Variants in RGSL1 observed in about 807,000 individuals in gnomAD.
The protein encoded by RGSL1 is regulator of G protein signaling protein-like.
In RGSL1, 97 loss-of-function variants were observed where a neutral mutation model predicts 124.7. That is an observed-to-expected ratio of 0.78 (90% CI 0.66 to 0.92). The LOEUF (loss-of-function observed/expected upper bound fraction) is 0.92, where lower values mean the gene tolerates loss of function less well. Among genes scored for constraint, RGSL1 ranks in the 40% least tolerant of loss-of-function variants. The pLI, the probability that RGSL1 is intolerant of heterozygous loss-of-function variation, is 0.00. For synonymous variants in RGSL1, 424 were observed against 438.1 expected (o/e 0.97, Z 0.40); for missense variants, 1,233 against 1,288.4 (o/e 0.96, Z 0.66).
chr1:182,474,677 G>A, intron 6 of RGSL1, 135 bp downstream of exon 6: 1 of 1,324,548 alleles, frequency 7.5e-7, no homozygotes, highest in Middle Eastern at 2.7e-4. Flanking sequence ...TGAAGAGTTG[G>A]TTGATCTGTT....
chr1:182,495,394 A>G (rs554310656), intron 9 of RGSL1, among the ~76,000 whole-genome samples: 1 of 152,100 alleles, frequency 6.6e-6, no homozygotes, highest in East Asian at 1.9e-4. Flanking sequence ...TTAAGATGCA[A>G]TACAAAGATC....
chr1:182,527,559 G>A lies in RGSL1; in HGVS notation c.1932-20G>A. ...TCATCATTCCTTTCTCTCTACCAAA[G>A]ATGCTTTCTTGTTTTCCAGAAACTT... On this transcript the variant is annotated intron_variant, in intron 10 of 21. Coordinates refer to ENST00000294854, the MANE Select transcript of RGSL1 (RefSeq NM_001137669.2). 2.0e-6 allele frequency: 3 copies of A among 1,531,922 alleles called. No individual in the cohort carries two copies. The highest frequency in any genetic ancestry group is 2.6e-6 in the Non-Finnish European group (3 of 1,137,944). 94.9% of individuals were successfully genotyped at this position (1,531,922 alleles called of 1,614,324 possible). A position where few individuals can be genotyped will look rare whatever the true frequency, so the allele number is the denominator to read the frequency against.
chr1:182,544,789 T>A (rs1660107650), intron 15 of RGSL1, among the ~76,000 whole-genome samples: 1 of 152,090 alleles, frequency 6.6e-6, no homozygotes, highest in South Asian at 2.1e-4. Flanking sequence ...GCCTATTTTA[T>A]CTGATATAAC....
intron 14 of RGSL1, among the ~76,000 whole-genome samples, chr1:182,537,345 T>C (rs60245721): frequency 0.016 from 2,472 of 152,320 alleles, 59 homozygotes; most frequent in African/African-American, 0.053. Context: ...AAATTTCGTG[T>C]TTAGATTTGG....
chr1:182,497,091 C>T (rs1038318836), intron 9 of RGSL1, among the ~76,000 whole-genome samples: 1 of 151,598 alleles, frequency 6.6e-6, no homozygotes, highest in Non-Finnish European at 1.5e-5. Context: ...GATTTGGGGC[C>T]CATTGAATTA....
At chr1:182,531,839 A>G (rs1659195329) in intron 13 of RGSL1, among the ~76,000 whole-genome samples, 1 of 152,356 alleles carries the variant, frequency 6.6e-6, no homozygotes, top group East Asian at 1.9e-4. Context: ...TGGGGTTTAC[A>G]TATAAGTCTC....
chr1:182,523,463 C>T (rs1658506226), intron 10 of RGSL1, among the ~76,000 whole-genome samples: 1 of 152,190 alleles, frequency 6.6e-6, no homozygotes, highest in Non-Finnish European at 1.5e-5. Context: ...TCATTTGTCA[C>T]TTTTGCTTTT....
intron 9 of RGSL1, among the ~76,000 whole-genome samples, chr1:182,520,603 A>T (rs1371560155): frequency 1.3e-5 from 2 of 151,974 alleles, no homozygotes; most frequent in Non-Finnish European, 2.9e-5. Context: ...TTTTGTCTTA[A>T]TTTTTTATAA....
chr1:182,536,585 T>C (rs2102287276), intron 14 of RGSL1, among the ~76,000 whole-genome samples: 1 of 152,330 alleles, frequency 6.6e-6, no homozygotes, highest in East Asian at 1.9e-4. Context: ...TTGCTTGACA[T>C]ATTAGTCCAT....
chr1:182,471,410 G>A (rs763897170), intron 4 of RGSL1: 1 of 456,614 alleles, frequency 2.2e-6, no homozygotes. Flanking sequence ...GTTGTTCCTG[G>A]GGCTTTTGCA....
At chr1:182,491,686 T>A (rs917299716) in intron 8 of RGSL1, among the ~76,000 whole-genome samples, 5 of 113,644 alleles carry the variant, frequency 4.4e-5, no homozygotes, top group African/African-American at 1.5e-4. Flanking sequence ...CACATCATGG[T>A]GATGATGATG....
intron 9 of RGSL1, among the ~76,000 whole-genome samples, chr1:182,516,045 T>C (rs1390362795): frequency 1.3e-5 from 2 of 152,218 alleles, no homozygotes; most frequent in Non-Finnish European, 2.9e-5. Flanking sequence ...AGTCCAGGTA[T>C]CTCGGCTGAT....
upstream of RGSL1, among the ~76,000 whole-genome samples, chr1:182,449,852 C>T (rs1029044318): frequency 6.6e-6 from 1 of 152,090 alleles, no homozygotes; most frequent in Admixed American, 6.6e-5. Flanking sequence ...GCAAAAGTCA[C>T]CCTAGCATGG....
chr1:182,452,518 T>C (rs142689520), intron 1 of RGSL1, among the ~76,000 whole-genome samples: 1,651 of 151,768 alleles, frequency 0.011, 28 homozygotes, highest in African/African-American at 0.038. Flanking sequence ...AGTGGTGCGA[T>C]CTCGGCTCAC....
At chr1:182,547,670 G>T (rs923522030) in intron 15 of RGSL1, among the ~76,000 whole-genome samples, 3 of 152,032 alleles carry the variant, frequency 2.0e-5, no homozygotes, top group Non-Finnish European at 4.4e-5. Flanking sequence ...GACCATCCTG[G>T]GTAACATGGT....
At chr1:182,538,460 G>A (rs139054252) in intron 14 of RGSL1, among the ~76,000 whole-genome samples, 18 of 151,964 alleles carry the variant, frequency 1.2e-4, no homozygotes, top group Non-Finnish European at 2.4e-4. Flanking sequence ...CCCAGGAAGC[G>A]GAGCTTGCAA....
In RGSL1 at chr1:182,522,129, T is replaced by A; in HGVS notation, c.1931+20T>A. 6.8e-7 allele frequency: 1 copy of A among 1,471,794 alleles called. No individual in the cohort carries two copies. The highest frequency in any genetic ancestry group is 1.3e-5 in the South Asian group (1 of 79,816). The allele number at this position is 1,471,794 out of a possible 1,614,324, so 91.2% of individuals were successfully genotyped here. On this transcript the variant is annotated intron_variant, in intron 10 of 21. Coordinates refer to ENST00000294854, the MANE Select transcript of RGSL1 (RefSeq NM_001137669.2). ...ACCCAGGTGAGATATAGAATCTGTT[T>A]ACAGCAACATCTTCAGGTACATGCT...
chr1:182,513,368 G>GA (rs975227627), intron 9 of RGSL1, among the ~76,000 whole-genome samples: 4 of 152,040 alleles, frequency 2.6e-5, no homozygotes, highest in East Asian at 1.9e-4. Context: ...AGGTGAGAGA[G>GA]AAAAAAAAGA....
intron 15 of RGSL1, among the ~76,000 whole-genome samples, chr1:182,541,093 AC>A (rs1378851778): frequency 2.0e-5 from 3 of 152,294 alleles, no homozygotes; most frequent in African/African-American, 7.2e-5. Flanking sequence ...TTTATGCTAG[AC>A]AGATTCAAAT....
Sources: allele counts gnomAD v4.1 joint callset (sites outside exome capture counted in the v4.1 genomes callset), GRCh38; gene constraint gnomAD v4.1.1; transcripts MANE v1.5; gene names NCBI Gene and HGNC (gene_info 2026-07-23, HGNC 2026-07-21).